Variants in GALNT13 observed in about 807,000 individuals in gnomAD.
GALNT13 encodes polypeptide N-acetylgalactosaminyltransferase 13.
GALNT13 carries 28 observed loss-of-function variants against 64.2 expected under a neutral mutation model. The observed-to-expected ratio is 0.44, with a 90% CI of 0.32 to 0.60. GALNT13 has a LOEUF of 0.60. GALNT13 is among the 20% of genes least tolerant of loss of function. The pLI is 0.05. For synonymous variants in GALNT13, 214 were observed against 224.6 expected (o/e 0.95, Z 0.42); for missense variants, 577 against 669.8 (o/e 0.86, Z 1.53).
the GALNT13 span, among the ~76,000 whole-genome samples, chr2:153,262,750 A>C: frequency 6.6e-6 from 1 of 152,220 alleles, no homozygotes; most frequent in South Asian, 2.1e-4. Context: ...AAAGTTCAAC[A>C]TCCTTTATGT....
At chr2:154,127,276 G>A (rs1023157511) in intron 3 of GALNT13, among the ~76,000 whole-genome samples, 31 of 152,166 alleles carry the variant, frequency 2.0e-4, no homozygotes, top group African/African-American at 7.2e-4. Context: ...GTTTTAAAAA[G>A]TGACCACTGA....
chr2:153,994,208 TTTCCAGC>T (rs1401964789), intron 3 of GALNT13, among the ~76,000 whole-genome samples: 1 of 152,162 alleles, frequency 6.6e-6, no homozygotes, highest in East Asian at 1.9e-4. Context: ...AGAATGATGG[TTTCCAGC>T]TTCATCTAAG....
At chr2:153,911,504 A>G (rs940495304) in intron 2 of GALNT13, among the ~76,000 whole-genome samples, 18 of 152,030 alleles carry the variant, frequency 1.2e-4, no homozygotes, top group Non-Finnish European at 1.5e-5. Context: ...TTATAGTGCC[A>G]CTTGTCTGTG....
the GALNT13 span, among the ~76,000 whole-genome samples, chr2:153,285,081 C>T: frequency 6.6e-6 from 1 of 150,552 alleles, no homozygotes; most frequent in Non-Finnish European, 1.5e-5. Context: ...TTCCACATGG[C>T]TGGGGAGACC....
At chr2:153,755,289 C>A in the GALNT13 span, among the ~76,000 whole-genome samples, 1 of 151,970 alleles carries the variant, frequency 6.6e-6, no homozygotes, top group African/African-American at 2.4e-5. Context: ...CATCTTGATC[C>A]ATCCCTCTCC....
the GALNT13 span, among the ~76,000 whole-genome samples, chr2:153,518,056 T>C: frequency 6.6e-6 from 1 of 152,126 alleles, no homozygotes; most frequent in Non-Finnish European, 1.5e-5. Flanking sequence ...TGAGAAAACA[T>C]GGTAGCTCAG....
chr2:154,193,466 T>A (rs1240240585), intron 4 of GALNT13, among the ~76,000 whole-genome samples: 2 of 152,188 alleles, frequency 1.3e-5, no homozygotes, highest in African/African-American at 4.8e-5. Context: ...TTTTGTTTCC[T>A]GAAGAACCGT....
chr2:153,844,756 C>T, the GALNT13 span, among the ~76,000 whole-genome samples: 1 of 152,202 alleles, frequency 6.6e-6, no homozygotes, highest in Non-Finnish European at 1.5e-5. Flanking sequence ...CACATCTAAG[C>T]TTAGGCTGTT....
chr2:154,380,896 C>T (rs749551921), intron 9 of GALNT13, among the ~76,000 whole-genome samples: 47 of 151,920 alleles, frequency 3.1e-4, no homozygotes, highest in Non-Finnish European at 4.9e-4. Flanking sequence ...CAGGCTGAAA[C>T]CTTTAGTTTC....
At chr2:153,510,977 G>C in the GALNT13 span, among the ~76,000 whole-genome samples, 1 of 152,000 alleles carries the variant, frequency 6.6e-6, no homozygotes, top group Non-Finnish European at 1.5e-5. Flanking sequence ...TCACTGGAGA[G>C]GTAAGGATGA....
At chr2:153,488,555 G>A in the GALNT13 span, among the ~76,000 whole-genome samples, 391 of 152,238 alleles carry the variant, frequency 2.6e-3, 3 homozygotes, top group African/African-American at 8.5e-3. Flanking sequence ...CTTGAATCTC[G>A]CTGATGGTCT....
chr2:153,430,527 GGAGA>G, the GALNT13 span, among the ~76,000 whole-genome samples: 144 of 140,696 alleles, frequency 1.0e-3, 1 homozygote, highest in South Asian at 3.8e-3. Context: ...AGGTAGGTAG[GGAGA>G]GAGAGAGAGA....
intron 8 of GALNT13, among the ~76,000 whole-genome samples, chr2:154,273,390 G>C (rs1025804826): frequency 3.3e-5 from 5 of 152,156 alleles, no homozygotes; most frequent in African/African-American, 1.2e-4. Context: ...CAGTTCTCCT[G>C]TTCCAAGTCT....
the GALNT13 span, among the ~76,000 whole-genome samples, chr2:153,683,398 T>A: frequency 2.0e-5 from 3 of 149,378 alleles, no homozygotes; most frequent in African/African-American, 7.4e-5. Context: ...GCTCAACAAA[T>A]TTTTTTATAA....
chr2:153,825,608 CTGTGTGTGTGTGTGTGTGTGTGTGTG>C, the GALNT13 span, among the ~76,000 whole-genome samples: 3 of 134,778 alleles, frequency 2.2e-5, no homozygotes, highest in Non-Finnish European at 3.2e-5. Flanking sequence ...TCCATGAGTG[CTGTGTGTGTGTGTGTGTGTGTGTGTG>C]TGTGTGTGTG....
chr2:153,860,071 G>A, the GALNT13 span, among the ~76,000 whole-genome samples: 1 of 152,106 alleles, frequency 6.6e-6, no homozygotes, highest in Non-Finnish European at 1.5e-5. Context: ...AAGATAATTT[G>A]AAAGTCAATT....
At chr2:154,171,846 G>GAT (rs1170581741) in intron 4 of GALNT13, among the ~76,000 whole-genome samples, 1 of 151,942 alleles carries the variant, frequency 6.6e-6, no homozygotes, top group African/African-American at 2.4e-5. Flanking sequence ...TAAATTATGG[G>GAT]TTGTGGTAAC....
chr2:153,548,950 A>G, the GALNT13 span, among the ~76,000 whole-genome samples: 3 of 152,250 alleles, frequency 2.0e-5, no homozygotes, highest in Non-Finnish European at 4.4e-5. Flanking sequence ...AAGTACTTAT[A>G]CATGTTATAA....
the GALNT13 span, among the ~76,000 whole-genome samples, chr2:153,345,689 TTCTTTCTTTCTTTC>T: frequency 1.2e-4 from 16 of 137,716 alleles, no homozygotes; most frequent in East Asian, 1.7e-3. Flanking sequence ...CTTTCTTTCT[TTCTTTCTTTCTTTC>T]TCTTTCTCTC....
Sources: allele counts gnomAD v4.1 joint callset (sites outside exome capture counted in the v4.1 genomes callset), GRCh38; gene constraint gnomAD v4.1.1; transcripts MANE v1.5; gene names NCBI Gene and HGNC (gene_info 2026-07-23, HGNC 2026-07-21).